Variants in TMPRSS9 observed in about 807,000 individuals in gnomAD.
TMPRSS9 encodes transmembrane protease serine 9.
Under a neutral mutation model 111.4 loss-of-function variants are expected in TMPRSS9, and 113 were observed. The ratio of observed to expected loss-of-function variants is 1.01; its 90% CI spans 0.87 to 1.19. The LOEUF is 1.19. Ranked by LOEUF, TMPRSS9 falls within the 50% of genes most tolerant of loss-of-function variation. The pLI is 0.00. For missense variants in TMPRSS9, 1,803 were observed against 1,513.1 expected, an observed-to-expected ratio of 1.19 and a Z score of -3.18; for synonymous variants, 805 against 659.1, an observed-to-expected ratio of 1.22 and a Z score of -3.39.
chr19:2,413,687 G>C lies in TMPRSS9; in HGVS notation c.1255-13G>C. On this transcript the variant is annotated splice_polypyrimidine_tract_variant and intron_variant, in intron 9 of 17. Coordinates refer to ENST00000648592, the Ensembl canonical transcript of TMPRSS9. ...CTGCCGACCCATCCTGAGGGTGTGT[G>C]TTGGTTTCCTAGGGTGACTCAGGAG... is the stretch of plus-strand genomic sequence containing the variant. 6.3e-7 allele frequency: 1 copy of C among 1,592,674 alleles called. No homozygotes were observed. The highest frequency in any genetic ancestry group is 8.6e-7 in the Non-Finnish European group (1 of 1,164,174).
chr19:2,411,991 T>C (rs1410796125), intron 9 of TMPRSS9, among the ~76,000 whole-genome samples: 2 of 152,222 alleles, frequency 1.3e-5, no homozygotes, highest in Non-Finnish European at 2.9e-5. Context: ...TCCGTTATGT[T>C]TCTTCTATAT....
At chr19:2,396,552 A>G (rs372974940) in exon 2 of TMPRSS9, 30 of 1,608,898 alleles carry the variant, frequency 1.9e-5, no homozygotes, top group Middle Eastern at 1.7e-4. Flanking sequence ...TCCTCTCTAC[A>G]CAGGGCTTCC....
chr19:2,404,584 AAGAT>A (rs1970929736), intron 6 of TMPRSS9, among the ~76,000 whole-genome samples: 1 of 151,888 alleles, frequency 6.6e-6, no homozygotes, highest in East Asian at 1.9e-4. Flanking sequence ...CAGTAATAAT[AAGAT>A]AGAAGATACA....
At chr19:2,423,453 C>A (rs1337997550) in intron 14 of TMPRSS9, among the ~76,000 whole-genome samples, 1 of 60,616 alleles carries the variant, frequency 1.6e-5, no homozygotes, top group African/African-American at 7.3e-5. Flanking sequence ...GGTTGGATGG[C>A]GGTTGGTGGG....
At chr19:2,389,812 C>T (rs756808734) in exon 1 of TMPRSS9, 20 of 1,613,752 alleles carry the variant, frequency 1.2e-5, no homozygotes, top group Admixed American at 1.7e-5. Context: ...CTGACGTACA[C>T]CTCGTGCCCA....
chr19:2,367,487 T>C (rs1025289447), intron 1 of TMPRSS9, among the ~76,000 whole-genome samples: 7 of 151,914 alleles, frequency 4.6e-5, no homozygotes, highest in Non-Finnish European at 1.5e-5. Flanking sequence ...CTCTGCCTCC[T>C]GGGTTCAAGT....
chr19:2,424,625 C>T lies in TMPRSS9; in HGVS notation c.2717+368C>T, dbSNP rs1469774060. 2.0e-5 allele frequency among the ~76,000 whole-genome samples: 3 copies of T among 152,154 alleles called. 1 individual carries two copies. The South Asian group carries it at 6.2e-4, about 32-fold the overall frequency. On this transcript the variant is annotated intron_variant, in intron 15 of 17. Transcript: ENST00000648592. ...GCCCCTGGGACTTGGCTCCAGCCCC[C>T]CAAAGCCCACCCAGTAGAAAGCTGC...
chr19:2,377,279 ATGTATGTATGTATATATG>A lies in TMPRSS9; in HGVS notation c.-25-12480_-25-12463del, dbSNP rs1568169888. Among the ~76,000 whole-genome samples, 8 of 119,944 alleles carry A rather than the reference ATGTATGTATGTATATATG, an allele frequency of 6.7e-5. 1 individual carries two copies. Among genetic ancestry groups the A allele is most frequent in the African/African-American group, 4.0e-4 (8 of 20,186 alleles). The allele number at this position is 119,944 out of a possible 152,430, so 78.7% of individuals were successfully genotyped here. On this transcript the variant is annotated intron_variant, in intron 1 of 17. Coordinates refer to the TMPRSS9 transcript ENST00000649857. Reference sequence around the variant, plus strand: ...TATGTATGTATGTATGTATGTATGTATGTATGTATGTATATATGTATGTATGTATGTATGTATTTGAGA... The same window carrying A: ...TATGTATGTATGTATGTATGTATGTATATGTATGTATGTATGTATTTGAGA...
At chr19:2,364,871 C>T (rs979864242) in intron 1 of TMPRSS9, among the ~76,000 whole-genome samples, 4 of 151,524 alleles carry the variant, frequency 2.6e-5, no homozygotes, top group African/African-American at 7.3e-5. Context: ...CCTGTAATCT[C>T]GGGAGGCTGA....
intron 1 of TMPRSS9, among the ~76,000 whole-genome samples, chr19:2,361,495 T>A (rs941057059): frequency 6.6e-6 from 1 of 151,808 alleles, no homozygotes; most frequent in Non-Finnish European, 1.5e-5. Flanking sequence ...GATGTAACAA[T>A]TGGAGGTGGG....
intron 6 of TMPRSS9, among the ~76,000 whole-genome samples, chr19:2,404,130 T>C (rs567656733): frequency 2.6e-5 from 4 of 152,128 alleles, no homozygotes; most frequent in African/African-American, 9.7e-5. Flanking sequence ...ATTGCACTAC[T>C]GCACTGTCCA....
exon 2 of TMPRSS9, chr19:2,396,564 C>A: frequency 6.2e-7 from 1 of 1,610,162 alleles, no homozygotes; most frequent in Non-Finnish European, 8.5e-7. Context: ...AGGGCTTCCA[C>A]GTGGACCACA....
chr19:2,379,181 C>CTTTTTTTTT (rs919990556), intron 1 of TMPRSS9, among the ~76,000 whole-genome samples: 2 of 99,420 alleles, frequency 2.0e-5, no homozygotes, highest in Non-Finnish European at 1.8e-5. Context: ...GCTTCTTTCT[C>CTTTTTTTTT]TTTTTTTTTT....
chr19:2,408,719 G>T, intron 8 of TMPRSS9, 89 bp downstream of exon 9: 1 of 1,510,578 alleles, frequency 6.6e-7, no homozygotes, highest in Non-Finnish European at 8.9e-7. Flanking sequence ...GCTCACGCCT[G>T]TCATCCCAGC....
intron 1 of TMPRSS9, among the ~76,000 whole-genome samples, chr19:2,395,137 G>A (rs1481356125): frequency 6.6e-6 from 1 of 152,050 alleles, no homozygotes; most frequent in East Asian, 1.9e-4. Flanking sequence ...AAAAATTAAC[G>A]CTGGGTGCAG....
chr19:2,374,446 C>T (rs1271779955), intron 1 of TMPRSS9, among the ~76,000 whole-genome samples: 1 of 146,658 alleles, frequency 6.8e-6, no homozygotes, highest in South Asian at 2.2e-4. Flanking sequence ...TGGTGGTGGG[C>T]GCCTGTAGTC....
chr19:2,379,671 TTCTTTC>T lies in TMPRSS9; in HGVS notation c.-25-10084_-25-10079del, dbSNP rs1244183223. Among the ~76,000 whole-genome samples, 104 of 147,276 alleles carry T rather than the reference TTCTTTC, an allele frequency of 7.1e-4. 1 individual carries two copies. The highest frequency in any genetic ancestry group is 3.5e-3 in the Middle Eastern group (1 of 284). ...TTTCTTTCTTTCTTTCTTTCTTTCT[TTCTTTC>T]TCTTTTTCTTTCTTTCCTTCCTTCC... On this transcript the variant is annotated intron_variant, in intron 1 of 17. Transcript: ENST00000649857.
intron 1 of TMPRSS9, among the ~76,000 whole-genome samples, chr19:2,377,219 C>A (rs1046910995): frequency 1.4e-5 from 2 of 144,778 alleles, no homozygotes; most frequent in African/African-American, 5.5e-5. Flanking sequence ...TATGTCAGTT[C>A]CTCGTACTTT....
At chr19:2,383,837 A>T (rs1970417912) in intron 1 of TMPRSS9, among the ~76,000 whole-genome samples, 1 of 151,624 alleles carries the variant, frequency 6.6e-6, no homozygotes, top group South Asian at 2.1e-4. Flanking sequence ...ATAGATGTTA[A>T]TTGTATCTAA....
Sources: gnomAD v4.1 joint callset for allele counts (sites outside exome capture counted in the v4.1 genomes callset) on GRCh38, gnomAD v4.1.1 for gene constraint, MANE v1.5 for transcripts, NCBI Gene and HGNC (gene_info 2026-07-23, HGNC 2026-07-21) for gene names.